HYDIN: variants seen among roughly 807,000 people sequenced by gnomAD.
The protein encoded by HYDIN is HYDIN axonemal central pair apparatus protein.
A neutral mutation model predicts 403.9 loss-of-function variants in HYDIN; 132 were observed. The ratio of observed to expected loss-of-function variants is 0.33; its 90% CI spans 0.28 to 0.38. The LOEUF is 0.38. HYDIN is among the 10% of genes least tolerant of loss of function. HYDIN has a pLI of 1.00. For synonymous variants in HYDIN, 1,202 were observed against 1,891.7 expected (o/e 0.64, Z 9.46); for missense variants, 2,827 against 5,009.5 (o/e 0.56, Z 13.15).
chr16:70,837,424 C>A (rs2037505825), intron 77 of HYDIN, among the ~76,000 whole-genome samples: 1 of 152,182 alleles, frequency 6.6e-6, no homozygotes, highest in South Asian at 2.1e-4. Context: ...AAGAATATTT[C>A]TCTAGTGTCT....
intron 18 of HYDIN, among the ~76,000 whole-genome samples, chr16:71,058,620 A>T (rs1266024655): frequency 6.3e-4 from 29 of 45,830 alleles, no homozygotes; most frequent in East Asian, 1.6e-3. Flanking sequence ...AAATAAAATT[A>T]AAAAAAAAAA....
intron 45 of HYDIN, among the ~76,000 whole-genome samples, chr16:70,934,639 A>T (rs2077447444): frequency 6.6e-6 from 1 of 151,608 alleles, no homozygotes; most frequent in Non-Finnish European, 1.5e-5. Flanking sequence ...AACATGATTG[A>T]TTGTGTTTTG....
At chr16:71,219,640 TA>T (rs1362767658) in intron 1 of HYDIN, among the ~76,000 whole-genome samples, 2 of 152,020 alleles carry the variant, frequency 1.3e-5, no homozygotes, top group African/African-American at 4.8e-5. Flanking sequence ...TATGACCCTT[TA>T]AAAAAATCAG....
At chr16:71,114,412 T>C (rs1597808344) in intron 10 of HYDIN, among the ~76,000 whole-genome samples, 2 of 151,468 alleles carry the variant, frequency 1.3e-5, no homozygotes, top group African/African-American at 2.4e-5. Flanking sequence ...GTGCCTATCA[T>C]TCTTTGAGCA....
chr16:71,207,931 T>C (rs2088385199), intron 1 of HYDIN, among the ~76,000 whole-genome samples: 1 of 152,184 alleles, frequency 6.6e-6, no homozygotes, highest in South Asian at 2.1e-4. Context: ...AGCAAGTTTT[T>C]AGAGATCTAT....
chr16:71,165,024 T>C (rs1479549630), intron 5 of HYDIN, among the ~76,000 whole-genome samples: 2 of 152,074 alleles, frequency 1.3e-5, no homozygotes, highest in Non-Finnish European at 2.9e-5. Flanking sequence ...CCCGCCACCC[T>C]GGTCCTAGCC....
chr16:71,174,358 G>A (rs115969334), intron 5 of HYDIN, among the ~76,000 whole-genome samples: 100 of 152,262 alleles, frequency 6.6e-4, no homozygotes, highest in African/African-American at 2.0e-3. Flanking sequence ...GACAGCAGCC[G>A]ATAGGTACTA....
intron 18 of HYDIN, among the ~76,000 whole-genome samples, chr16:71,046,532 GCAATTTCATTGCAA>G (rs1416805556): frequency 6.6e-6 from 1 of 151,938 alleles, no homozygotes; most frequent in African/African-American, 2.4e-5. Flanking sequence ...ATTGTTGCAT[GCAATTTCATTGCAA>G]CTGACATTAA....
At chr16:71,108,278 C>T (rs28548248) in intron 10 of HYDIN, among the ~76,000 whole-genome samples, 4,515 of 152,106 alleles carry the variant, frequency 0.03, 200 homozygotes, top group African/African-American at 0.1. Flanking sequence ...TGCACACGTA[C>T]CCCTGAACCT....
intron 18 of HYDIN, among the ~76,000 whole-genome samples, chr16:71,059,182 G>C (rs1186414693): frequency 6.6e-6 from 1 of 152,118 alleles, no homozygotes; most frequent in African/African-American, 2.4e-5. Context: ...TGTTTTTGTT[G>C]TAGTTTCTTT....
chr16:71,023,113 G>A (rs984890704), intron 21 of HYDIN, among the ~76,000 whole-genome samples: 1 of 152,166 alleles, frequency 6.6e-6, no homozygotes, highest in Non-Finnish European at 1.5e-5. Context: ...CAGTGCAGCT[G>A]TTGCCAATAA....
intron 1 of HYDIN, among the ~76,000 whole-genome samples, chr16:71,211,430 G>A (rs1462116530): frequency 2.0e-5 from 3 of 151,546 alleles, no homozygotes; most frequent in African/African-American, 7.3e-5. Context: ...CACGAGGTCA[G>A]GAGATCGAGA....
intron 3 of HYDIN, among the ~76,000 whole-genome samples, chr16:71,182,396 G>A (rs1020058247): frequency 4.6e-5 from 7 of 152,180 alleles, no homozygotes; most frequent in African/African-American, 7.2e-5. Flanking sequence ...GATAATGGTG[G>A]CTTAAACTGG....
intron 75 of HYDIN, among the ~76,000 whole-genome samples, chr16:70,847,756 T>C (rs2038315288): frequency 6.6e-6 from 1 of 152,084 alleles, no homozygotes; most frequent in Admixed American, 6.6e-5. Context: ...TAATGATGTG[T>C]CTAGGTGTGG....
chr16:71,032,439 T>C (rs1230117613), intron 18 of HYDIN, among the ~76,000 whole-genome samples: 2 of 151,912 alleles, frequency 1.3e-5, no homozygotes, highest in Non-Finnish European at 2.9e-5. Context: ...TACTAATTTA[T>C]AATAATTAAT....
chr16:70,835,236 T>C (rs530869847), intron 78 of HYDIN, among the ~76,000 whole-genome samples: 1 of 151,946 alleles, frequency 6.6e-6, no homozygotes, highest in East Asian at 2.0e-4. Context: ...GGCCTTGTGA[T>C]CCACCTGCCT....
chr16:71,073,574 T>A (rs564420184), intron 13 of HYDIN, among the ~76,000 whole-genome samples: 21 of 152,224 alleles, frequency 1.4e-4, no homozygotes, highest in Admixed American at 9.2e-4. Context: ...CCCAGACAGG[T>A]TATCATATTT....
In HYDIN at chr16:70,921,090, A is replaced by G. The variant is rs1471883828; in HGVS notation, c.7286T>C (p.Met2429Thr). ...GTCCTGGACAAGAGGAAGCCCATGC[A>G]TGCTGACATCGCCCATGTTCCTTTT... ...KKKRNMGDVS[M>T]HGLPLVQDQE... Residue 2429 changes from methionine to threonine, a missense_variant, in exon 46 of 86, where the codon ATG (methionine) becomes ACG (threonine). By Grantham distance (81) the Met-to-Thr change is moderately conservative (BLOSUM62 -1). Coordinates refer to ENST00000393567, the MANE Select transcript of HYDIN (RefSeq NM_001270974.2). 6.3e-6 allele frequency: 10 copies of G among 1,598,986 alleles called. No individual in the cohort carries two copies. The East Asian group carries it at 8.9e-5, about 14-fold the overall frequency.
intron 28 of HYDIN, among the ~76,000 whole-genome samples, 191 bp from the exon 29 acceptor site, chr16:70,981,759 A>T (rs1385866408): frequency 6.6e-6 from 1 of 152,208 alleles, no homozygotes; most frequent in East Asian, 1.9e-4. Flanking sequence ...GTTCTTTGAA[A>T]AAAGACGAAT....
Sources: allele counts gnomAD v4.1 joint callset (sites outside exome capture counted in the v4.1 genomes callset), GRCh38; gene constraint gnomAD v4.1.1; transcripts MANE v1.5; gene names NCBI Gene and HGNC (gene_info 2026-07-23, HGNC 2026-07-21).